MPPED1: variants seen among roughly 807,000 people sequenced by gnomAD.
MPPED1 encodes metallophosphoesterase domain containing 1.
MPPED1 carries 16 observed loss-of-function variants against 36.2 expected under a neutral mutation model. That is an observed-to-expected ratio of 0.44 (90% CI 0.30 to 0.67). The LOEUF is 0.67. Ranked by LOEUF, MPPED1 falls within the 30% of genes least tolerant of loss-of-function variation. The probability of loss-of-function intolerance (pLI) is 0.10; values close to 1 mark genes in which losing one functional copy is unlikely to be tolerated. For missense variants in MPPED1, 307 were observed against 453.4 expected (o/e 0.68, Z 2.93); for synonymous variants, 199 against 191.3 (o/e 1.04, Z -0.33).
chr22:43,456,895 A>T (rs1238310102), intron 3 of MPPED1, among the ~76,000 whole-genome samples: 2 of 152,226 alleles, frequency 1.3e-5, no homozygotes, highest in Non-Finnish European at 2.9e-5. Flanking sequence ...CCTTATTATT[A>T]CGGTATATTA....
In MPPED1 at chr22:43,412,093, C is replaced by T; in HGVS notation, c.-144C>T. ...CTGCGCGCCTCCCTCCCGGGAGCCC[C>T]TGCCTCCCTCGGTGCGCGCTGCTGC... On this transcript the variant is annotated 5_prime_UTR_variant, in exon 1 of 7. Coordinates refer to ENST00000443721, the MANE Select transcript of MPPED1 (RefSeq NM_001044370.2). The T allele has an allele frequency of 1.0e-6, 1 of 979,702 alleles. No individual in the cohort carries two copies. Among genetic ancestry groups the T allele is most frequent in the Non-Finnish European group, 1.2e-6 (1 of 827,698 alleles). The allele number at this position is 979,702 out of a possible 1,614,324, so 60.7% of individuals were successfully genotyped here.
chr22:43,414,742 G>A lies in MPPED1; in HGVS notation c.-79+2584G>A, dbSNP rs529550487. On this transcript the variant is annotated intron_variant, in intron 1 of 6. Transcript: ENST00000443721. ...TCTCTCCCATCGCCCCTCCCTCACC[G>A]GGAACAAAAAAGGGTCTTTTCACGA... 2.6e-5 allele frequency among the ~76,000 whole-genome samples: 4 copies of A among 151,910 alleles called. No homozygotes were observed. In the East Asian group the frequency reaches 5.8e-4, roughly 22 times the overall value.
At chr22:43,455,301 G>A (rs1401852409) in intron 3 of MPPED1, among the ~76,000 whole-genome samples, 1 of 151,776 alleles carries the variant, frequency 6.6e-6, no homozygotes, top group Non-Finnish European at 1.5e-5. Context: ...GTAGAGATGG[G>A]GTTTCACCAT....
At chr22:43,500,272 AGGTGGCGGTGGTGAT>A (rs1555904935) in intron 5 of MPPED1, among the ~76,000 whole-genome samples, 1 of 8,256 alleles carries the variant, frequency 1.2e-4, no homozygotes, top group Non-Finnish European at 2.0e-4. Flanking sequence ...ATGGTGATGG[AGGTGGCGGTGGTGAT>A]GGGGGTGGTG....
intron 4 of MPPED1, 80 bp from the exon 5 acceptor site, chr22:43,498,155 C>A: frequency 8.7e-7 from 1 of 1,145,580 alleles, no homozygotes; most frequent in Non-Finnish European, 1.2e-6. Flanking sequence ...GGCCCCCTGG[C>A]CCGTGGGGAG....
intron 1 of MPPED1, among the ~76,000 whole-genome samples, chr22:43,422,711 A>G (rs1929317482): frequency 6.6e-6 from 1 of 152,122 alleles, no homozygotes; most frequent in Non-Finnish European, 1.5e-5. Context: ...GATCAAATTG[A>G]GCAGAATAGT....
intron 3 of MPPED1, among the ~76,000 whole-genome samples, chr22:43,457,769 A>G (rs1249559054): frequency 6.6e-6 from 1 of 152,226 alleles, no homozygotes; most frequent in Non-Finnish European, 1.5e-5. Context: ...TCATAAATAT[A>G]CAAAAACTGT....
chr22:43,452,533 G>C (rs1483201187), intron 3 of MPPED1, among the ~76,000 whole-genome samples: 2 of 152,270 alleles, frequency 1.3e-5, no homozygotes, highest in East Asian at 3.9e-4. Flanking sequence ...TGGGGAATGG[G>C]GAAATGAATA....
chr22:43,451,798 AC>A (rs1177809863), intron 3 of MPPED1, among the ~76,000 whole-genome samples: 120 of 151,932 alleles, frequency 7.9e-4, no homozygotes, highest in Non-Finnish European at 4.4e-5. Flanking sequence ...TCTGGCGGGG[AC>A]CCCATGGTCC....
At chr22:43,491,687 G>GAT (rs1326926575) in intron 4 of MPPED1, among the ~76,000 whole-genome samples, 61 of 146,702 alleles carry the variant, frequency 4.2e-4, no homozygotes, top group African/African-American at 1.1e-3. Context: ...TGGTGGTTAT[G>GAT]GAGGTGGTGG....
intron 3 of MPPED1, among the ~76,000 whole-genome samples, chr22:43,469,793 A>G (rs1033599068): frequency 6.6e-6 from 1 of 152,218 alleles, no homozygotes; most frequent in Non-Finnish European, 1.5e-5. Flanking sequence ...AGTCAGACCT[A>G]GCTAAGGATG....
chr22:43,482,182 T>G (rs909137118), intron 4 of MPPED1, among the ~76,000 whole-genome samples: 2 of 152,198 alleles, frequency 1.3e-5, no homozygotes, highest in Non-Finnish European at 2.9e-5. Context: ...GATGCATTTT[T>G]TGTTCTCATT....
chr22:43,442,296 C>A (rs1245973906), intron 3 of MPPED1, among the ~76,000 whole-genome samples: 1 of 151,940 alleles, frequency 6.6e-6, no homozygotes, highest in Non-Finnish European at 1.5e-5. Flanking sequence ...CTTCTTCCCA[C>A]CTCCCCACCC....
At chr22:43,464,291 CTGTGTGTG>C (rs60119589) in intron 3 of MPPED1, among the ~76,000 whole-genome samples, 8,733 of 143,892 alleles carry the variant, frequency 0.061, 482 homozygotes, top group African/African-American at 0.14. Context: ...TTGGTCAGCT[CTGTGTGTG>C]TGTGTGTGTG....
intron 6 of MPPED1, among the ~76,000 whole-genome samples, chr22:43,505,119 GTGA>G (rs886714008): frequency 2.7e-5 from 4 of 150,874 alleles, no homozygotes; most frequent in African/African-American, 9.8e-5. Flanking sequence ...GTGAAAAATA[GTGA>G]TGATCACGAT....
intron 3 of MPPED1, among the ~76,000 whole-genome samples, chr22:43,468,066 G>A (rs1171434958): frequency 3.9e-5 from 6 of 152,186 alleles, no homozygotes; most frequent in African/African-American, 9.7e-5. Context: ...ATCTGTGTGC[G>A]GATACACAGC....
intron 3 of MPPED1, among the ~76,000 whole-genome samples, chr22:43,471,555 C>G (rs1243302039): frequency 6.6e-6 from 1 of 152,218 alleles, no homozygotes; most frequent in Non-Finnish European, 1.5e-5. Context: ...TGGGGGTGCT[C>G]TAGGGAAATG....
At chr22:43,416,496 C>T (rs1929079328) in intron 1 of MPPED1, 1 of 152,260 alleles carries the variant, frequency 6.6e-6, no homozygotes, top group South Asian at 2.1e-4. Context: ...CCTCTAGCCT[C>T]TTCCCCTCCC....
Position 43,502,795 on chromosome 22 carries a change from G to C in MPPED1, c.862+38G>C. 1.3e-6 allele frequency: 2 copies of C among 1,574,284 alleles called. No individual in the cohort carries two copies. The highest frequency in any genetic ancestry group is 1.7e-6 in the Non-Finnish European group (2 of 1,144,632). On this transcript the variant is annotated intron_variant, in intron 6 of 6. Transcript: ENST00000443721. This position sits in a 1 kb window ranked among gnomAD's most constrained non-coding sequence, Gnocchi z 5.5. Reference sequence around the variant, plus strand: ...CGGAGACAGGCACCTCACGGGCTAGGGGCTCCTAATGGACCCTCCAGCAGG... The same window carrying C: ...CGGAGACAGGCACCTCACGGGCTAGCGGCTCCTAATGGACCCTCCAGCAGG...
Sources: allele counts gnomAD v4.1 joint callset (sites outside exome capture counted in the v4.1 genomes callset), GRCh38; gene constraint gnomAD v4.1.1; non-coding constraint Gnocchi (gnomAD v3.1); transcripts MANE v1.5; gene names NCBI Gene and HGNC (gene_info 2026-07-23, HGNC 2026-07-21).